Variants in EPHB1 observed in about 807,000 individuals in gnomAD.
EPHB1 encodes ephrin type-B receptor 1.
A neutral mutation model predicts 94.4 loss-of-function variants in EPHB1; 30 were observed. That is an observed-to-expected ratio of 0.32 (90% CI 0.24 to 0.43). The LOEUF (loss-of-function observed/expected upper bound fraction) is 0.43. Among genes scored for constraint, EPHB1 ranks in the 20% least tolerant of loss-of-function variants. The probability of loss-of-function intolerance (pLI) is 1.00; values close to 1 mark genes in which losing one functional copy is unlikely to be tolerated. For synonymous variants in EPHB1, 522 were observed against 489.1 expected (o/e 1.07, Z -0.89); for missense variants, 1,055 against 1,308.3 (o/e 0.81, Z 2.99).
At chr3:135,134,709 T>G (rs956813891) in intron 5 of EPHB1, among the ~76,000 whole-genome samples, 2 of 152,222 alleles carry the variant, frequency 1.3e-5, no homozygotes, top group Non-Finnish European at 2.9e-5. Context: ...ATGGGCAGCC[T>G]TTGTTAGCAG....
chr3:135,190,065 TA>T (rs1370379414), intron 10 of EPHB1, among the ~76,000 whole-genome samples: 1 of 152,214 alleles, frequency 6.6e-6, no homozygotes, highest in Non-Finnish European at 1.5e-5. Context: ...CATAGCTATC[TA>T]GAGGCAGTAT....
rs148568714 is a variant in EPHB1 at position 135,093,600 on chromosome 3, T to C, written c.806-12848T>C. Among the ~76,000 whole-genome samples the C allele has an allele frequency of 1.3e-5, 2 of 151,982 alleles. 1 individual carries two copies. Among genetic ancestry groups the C allele is most frequent in the East Asian group, 3.9e-4 (2 of 5,158 alleles). ...AGCCAGGCCTGGTGGCACGTGCCTG[T>C]AGTCCCAGGTATTCGGGAAGCTATG... On this transcript the variant is annotated intron_variant, in intron 3 of 15. Coordinates refer to ENST00000398015, the MANE Select transcript of EPHB1 (RefSeq NM_004441.5).
chr3:134,838,390 C>A (rs1425985945), intron 1 of EPHB1, among the ~76,000 whole-genome samples: 3 of 152,048 alleles, frequency 2.0e-5, no homozygotes, highest in Admixed American at 6.5e-5. Flanking sequence ...GAAACCTTGG[C>A]TTCTTGATTT....
chr3:135,236,926 A>G (rs1487636747), intron 12 of EPHB1, among the ~76,000 whole-genome samples: 1 of 152,152 alleles, frequency 6.6e-6, no homozygotes, highest in Admixed American at 6.5e-5. Flanking sequence ...AAAACTTCAT[A>G]CTTGGGTGGG....
rs984727619 is a variant in EPHB1, at chr3:135,055,496, T to C, written c.806-50952T>C. Among the ~76,000 whole-genome samples the C allele has an allele frequency of 1.6e-3, 247 of 152,324 alleles. 3 individuals are homozygous for C. Among genetic ancestry groups the C allele is most frequent in the Non-Finnish European group, 6.2e-4 (42 of 68,024 alleles). ...ACCAAGGTACAGGAAGATAAGGTGG[T>C]TGGCCCTTGTCCACAATGGCCATCA... On this transcript the variant is annotated intron_variant, in intron 3 of 15. Transcript: ENST00000398015.
chr3:134,985,476 G>A (rs1282267922), intron 3 of EPHB1, among the ~76,000 whole-genome samples: 1 of 152,142 alleles, frequency 6.6e-6, no homozygotes, highest in Non-Finnish European at 1.5e-5. Flanking sequence ...TTAATGGAGT[G>A]CAGCAGAGCA....
chr3:134,814,029 GC>G (rs2108287190), intron 1 of EPHB1, among the ~76,000 whole-genome samples: 1 of 152,298 alleles, frequency 6.6e-6, no homozygotes, highest in Non-Finnish European at 1.5e-5. Flanking sequence ...CCGGGGCCTG[GC>G]ACAGAGTAGG....
intron 3 of EPHB1, among the ~76,000 whole-genome samples, chr3:135,103,917 T>G (rs1156847710): frequency 6.6e-6 from 1 of 152,224 alleles, no homozygotes; most frequent in East Asian, 1.9e-4. Flanking sequence ...AGGAGGCACT[T>G]TCCACATCCC....
chr3:135,161,797 T>C (rs1341717025), intron 6 of EPHB1, among the ~76,000 whole-genome samples: 1 of 152,118 alleles, frequency 6.6e-6, no homozygotes, highest in South Asian at 2.1e-4. Context: ...GGCCCCTTTT[T>C]TCAGAGTGTG....
At chr3:135,214,008 G>C (rs1943086079) in intron 12 of EPHB1, among the ~76,000 whole-genome samples, 2 of 152,070 alleles carry the variant, frequency 1.3e-5, no homozygotes, top group African/African-American at 4.8e-5. Context: ...TCCTCTTGCA[G>C]CTCCTTCCTC....
chr3:135,129,136 G>C (rs1559843167), intron 4 of EPHB1, among the ~76,000 whole-genome samples: 1 of 151,710 alleles, frequency 6.6e-6, no homozygotes, highest in Non-Finnish European at 1.5e-5. Flanking sequence ...TGGGAAGGGG[G>C]CAGTGGCTGC....
At chr3:134,852,199 T>C (rs2037000869) in intron 1 of EPHB1, among the ~76,000 whole-genome samples, 2 of 151,982 alleles carry the variant, frequency 1.3e-5, no homozygotes, top group South Asian at 4.2e-4. Flanking sequence ...TGCCTCAATG[T>C]CCCCTCCTTT....
chr3:135,231,520 C>T (rs1185551680), intron 12 of EPHB1, among the ~76,000 whole-genome samples: 2 of 152,154 alleles, frequency 1.3e-5, no homozygotes, highest in Admixed American at 6.5e-5. Flanking sequence ...AATTACCTTT[C>T]GCAGCATTGC....
chr3:135,187,289 C>T (rs928138412), intron 10 of EPHB1, among the ~76,000 whole-genome samples: 2 of 152,278 alleles, frequency 1.3e-5, no homozygotes, highest in East Asian at 1.9e-4. Context: ...CCAGCACAGT[C>T]GTTTCCTTTA....
At chr3:135,194,793 G>C (rs1942554120) in intron 11 of EPHB1, among the ~76,000 whole-genome samples, 1 of 152,106 alleles carries the variant, frequency 6.6e-6, no homozygotes, top group African/African-American at 2.4e-5. Flanking sequence ...CCTCCTTGAG[G>C]GTATGGGGTT....
At chr3:135,127,906 A>G (rs1391671743) in intron 4 of EPHB1, among the ~76,000 whole-genome samples, 1 of 152,164 alleles carries the variant, frequency 6.6e-6, no homozygotes, top group Non-Finnish European at 1.5e-5. Flanking sequence ...TCGGAGACCC[A>G]TCTTCAAAAC....
intron 3 of EPHB1, among the ~76,000 whole-genome samples, chr3:135,041,841 C>A (rs1218048048): frequency 6.6e-6 from 1 of 152,092 alleles, no homozygotes; most frequent in Admixed American, 6.6e-5. Flanking sequence ...TGCGTCATCC[C>A]ATGGTGGAAA....
intron 5 of EPHB1, among the ~76,000 whole-genome samples, chr3:135,138,868 G>A (rs926649224): frequency 1.3e-5 from 2 of 152,184 alleles, no homozygotes; most frequent in African/African-American, 4.8e-5. Context: ...GAACTTCCAA[G>A]TGGCCTCAGA....
intron 2 of EPHB1, among the ~76,000 whole-genome samples, chr3:134,941,372 A>G: frequency 6.8e-6 from 1 of 146,874 alleles, no homozygotes. Flanking sequence ...GGGGTGGGGG[A>G]CATTGCATCA....
Sources: allele counts gnomAD v4.1 joint callset (sites outside exome capture counted in the v4.1 genomes callset), GRCh38; gene constraint gnomAD v4.1.1; transcripts MANE v1.5; gene names NCBI Gene and HGNC (gene_info 2026-07-23, HGNC 2026-07-21).